TCF15: variants seen among roughly 807,000 people sequenced by gnomAD.
TCF15 encodes the protein transcription factor 15.
In TCF15, 7 loss-of-function variants were observed where a neutral mutation model predicts 11.1. The observed-to-expected ratio is 0.63, with a 90% confidence interval of 0.36 to 1.19. The LOEUF (loss-of-function observed/expected upper bound fraction) is 1.19, where lower values mean the gene tolerates loss of function less well. Among genes scored for constraint, TCF15 ranks in the 50% most tolerant of loss-of-function variants. The pLI is 0.02. For synonymous variants in TCF15, 144 were observed against 138.9 expected (o/e 1.04, Z -0.26); for missense variants, 288 against 289.4 (o/e 1.00, Z 0.03).
At position 610,271 on chromosome 20, in the gene TCF15, C is replaced by T; in HGVS notation, c.-34G>A. The T allele has an allele frequency of 2.0e-6, 2 of 988,882 alleles. No individual in the cohort carries two copies. The highest frequency in any genetic ancestry group is 2.4e-6 in the Non-Finnish European group (2 of 833,028). 61.3% of individuals were successfully genotyped at this position (988,882 alleles called of 1,614,324 possible). The stretch of plus-strand genomic sequence containing the variant: ...GCCGCGTCCCTCCGTGCGCCGCGTC[C>T]CAGCGTCGGCCGCGCCCCGCCGTGC... On this transcript the variant is annotated 5_prime_UTR_variant, in exon 1 of 2. Coordinates refer to ENST00000246080, the MANE Select transcript of TCF15 (RefSeq NM_004609.4).
chr20:605,245 C>G (rs967749442), intron 1 of TCF15, among the ~76,000 whole-genome samples: 1 of 152,188 alleles, frequency 6.6e-6, no homozygotes, highest in Non-Finnish European at 1.5e-5. Context: ...TATTTTAAAG[C>G]ATAATATTTT....
intron 1 of TCF15, among the ~76,000 whole-genome samples, chr20:608,061 C>T (rs1377635346): frequency 1.3e-5 from 2 of 152,176 alleles, no homozygotes; most frequent in Non-Finnish European, 2.9e-5. Context: ...CTAGAACACC[C>T]TTTCCTACCC....
At position 610,062 on chromosome 20, in the gene TCF15, G is replaced by A; in HGVS notation, c.176C>T (p.Ala59Val). Residue 59 changes from alanine to valine, a missense_variant, in exon 1 of 2, where the codon GCG becomes GTG. Ala to Val is a moderately conservative substitution (Grantham distance 64, BLOSUM62 0). Coordinates refer to ENST00000246080, the MANE Select transcript of TCF15 (RefSeq NM_004609.4). The stretch of plus-strand genomic sequence containing the variant: ...GGGGCCCGCGCCGCCGCCGCCGCCC[G>A]CCCGCCGCCCGCCCCCGGGGCCCGG... The part of the protein sequence containing the change: ...RGPGPGGGRR[A>V]GGGGGAGPVV... 1 of 1,026,608 alleles carries A rather than the reference G, an allele frequency of 9.7e-7. No homozygotes were observed. The highest frequency in any genetic ancestry group is 1.2e-6 in the Non-Finnish European group (1 of 858,664). 63.6% of individuals were successfully genotyped at this position (1,026,608 alleles called of 1,614,324 possible). A position where few individuals can be genotyped will look rare whatever the true frequency, so the allele number is the denominator to read the frequency against.
rs973339252 is a variant in TCF15 at position 604,679 on chromosome 20, G to T, written c.526-14C>A. 2 of 1,548,554 alleles carry T rather than the reference G, an allele frequency of 1.3e-6. No individual in the cohort carries two copies. The highest frequency in any genetic ancestry group is 1.7e-6 in the Non-Finnish European group (2 of 1,145,628). On this transcript the variant is annotated splice_polypyrimidine_tract_variant and intron_variant, in intron 1 of 1. Transcript: ENST00000246080. The surrounding 1 kb of genome is among the most constrained non-coding windows in gnomAD (Gnocchi z 4.2). ...ACGACGGCCACCCTGCAGAGGGGGA[G>T]AAAGAGTATAAAGAGGTTCGATTAG...
Position 604,487 on chromosome 20 carries a change from G to A in TCF15, c.*104C>T, listed in dbSNP as rs1190372386. ...CCCAGAGTGTCCCGGAACAGGCCATGGTCCCCCGGTCCCTACACAAAGAAG... is the reference window on the plus strand; with the variant it reads ...CCCAGAGTGTCCCGGAACAGGCCATAGTCCCCCGGTCCCTACACAAAGAAG... On this transcript the variant is annotated 3_prime_UTR_variant, in exon 2 of 2. Coordinates refer to ENST00000246080, the MANE Select transcript of TCF15 (RefSeq NM_004609.4). This position sits in a 1 kb window ranked among gnomAD's most constrained non-coding sequence, Gnocchi z 4.2. 9.4e-7 allele frequency: 1 copy of A among 1,068,830 alleles called. No homozygotes were observed. The highest frequency in any genetic ancestry group is 1.4e-6 in the Non-Finnish European group (1 of 709,930). The allele number at this position is 1,068,830 out of a possible 1,614,324, so 66.2% of individuals were successfully genotyped here.
intron 1 of TCF15, among the ~76,000 whole-genome samples, chr20:606,478 G>A (rs2019975547): frequency 6.6e-6 from 1 of 152,186 alleles, no homozygotes; most frequent in Non-Finnish European, 1.5e-5. Context: ...TCAAGGTGCA[G>A]TCGAATGTGA....
At chr20:606,958 A>G (rs1004031255) in intron 1 of TCF15, among the ~76,000 whole-genome samples, 1 of 152,174 alleles carries the variant, frequency 6.6e-6, no homozygotes, top group Admixed American at 6.5e-5. Flanking sequence ...CTACTTTGCC[A>G]AGGGCCAACT....
chr20:605,600 C>G (rs1056996398), intron 1 of TCF15, among the ~76,000 whole-genome samples: 1 of 152,218 alleles, frequency 6.6e-6, no homozygotes, highest in Non-Finnish European at 1.5e-5. Context: ...CCAGCCTGGG[C>G]TCTCTTGGCC....
In TCF15 at chr20:609,869, G is replaced by A. The variant is rs778925645; in HGVS notation, c.369C>T (p.His123=). 28 of 1,527,818 alleles carry A rather than the reference G, an allele frequency of 1.8e-5. No individual in the cohort carries two copies. The East Asian group carries it at 4.3e-4, about 24-fold the overall frequency. 94.6% of individuals were successfully genotyped at this position (1,527,818 alleles called of 1,614,324 possible). ...TVRLASSYIA[H]LANVLLLGDS... ...CGCCCAGCAGCAGCACGTTGGCCAGGTGCGCGATGTAGCTGGACGCCAGGC... is the reference window on the plus strand; with the variant it reads ...CGCCCAGCAGCAGCACGTTGGCCAGATGCGCGATGTAGCTGGACGCCAGGC... The change falls in exon 1 of 2, where the codon CAC becomes CAT. Residue 123 remains histidine, a synonymous_variant. Coordinates refer to ENST00000246080, the MANE Select transcript of TCF15 (RefSeq NM_004609.4). This position sits in a 1 kb window ranked among gnomAD's most constrained non-coding sequence, Gnocchi z 4.7.
intron 1 of TCF15, among the ~76,000 whole-genome samples, chr20:606,894 G>GA (rs1460852304): frequency 6.6e-6 from 1 of 152,030 alleles, no homozygotes; most frequent in African/African-American, 2.4e-5. Flanking sequence ...GGGTCTTCGG[G>GA]AAGCACCATG....
Position 606,932 on chromosome 20 carries a change from A to C in TCF15, c.526-2267T>G, listed in dbSNP as rs2019980741. ...TAGGAGTTAGGCTCAAGTGAGACAG[A>C]CCTAGGCTTCGATCCCTACTTTGCC... On this transcript the variant is annotated intron_variant, in intron 1 of 1. Transcript: ENST00000246080. Among the ~76,000 whole-genome samples, 3 of 152,248 alleles carry C rather than the reference A, an allele frequency of 2.0e-5. No homozygotes were observed. In the South Asian group the frequency reaches 6.2e-4, roughly 32 times the overall value.
At position 609,777 on chromosome 20, in the gene TCF15, GCGGCGGGGA is replaced by G; in HGVS notation, c.452_460del (p.Val151_Ala153del). 7.1e-7 allele frequency: 1 copy of G among 1,414,772 alleles called. No individual in the cohort carries two copies. The highest frequency in any genetic ancestry group is 9.1e-7 in the Non-Finnish European group (1 of 1,097,464). 87.6% of individuals were successfully genotyped at this position (1,414,772 alleles called of 1,614,324 possible). On this transcript the variant is annotated inframe_deletion, in exon 1 of 2. Transcript: ENST00000246080. The surrounding 1 kb of genome is among the most constrained non-coding windows in gnomAD (Gnocchi z 4.7). ...GCGCGGCTGGCGGCCGCCGTCGGCG[GCGGCGGGGA>G]CGGCGCCCTTGGCACTGCCCGCGGC...
chr20:609,742 T>A lies in TCF15; in HGVS notation c.496A>T (p.Thr166Ser). The change falls in exon 1 of 2, where the codon ACC becomes TCC. Residue 166 changes from threonine to serine, a missense_variant. Coordinates refer to ENST00000246080, the MANE Select transcript of TCF15 (RefSeq NM_004609.4). This position sits in a 1 kb window ranked among gnomAD's most constrained non-coding sequence, Gnocchi z 4.7. The stretch of plus-strand genomic sequence containing the variant: ...TTGCGCTGGTTGCTGAGGCAGAAGG[T>A]GCAGATGGAGCGCGGCTGGCGGCCG... ...DGGRQPRSIC[T>S]FCLSNQRKGG... The A allele has an allele frequency of 1.4e-6, 2 of 1,405,876 alleles. No homozygotes were observed. Among genetic ancestry groups the A allele is most frequent in the Non-Finnish European group, 1.8e-6 (2 of 1,092,358 alleles). 87.1% of individuals were successfully genotyped at this position (1,405,876 alleles called of 1,614,324 possible).
chr20:609,809 G>T lies in TCF15; in HGVS notation c.429C>A (p.Ala143=), dbSNP rs1470339902. 1 of 1,499,852 alleles carries T rather than the reference G, an allele frequency of 6.7e-7. No homozygotes were observed. The highest frequency in any genetic ancestry group is 8.8e-7 in the Non-Finnish European group (1 of 1,136,086). 92.9% of individuals were successfully genotyped at this position (1,499,852 alleles called of 1,614,324 possible). ...GGACGGCGCCCTTGGCACTGCCCGCGGCACGGAAGCACGGCTGCCCGTCGT... is the reference window on the plus strand; with the variant it reads ...GGACGGCGCCCTTGGCACTGCCCGCTGCACGGAAGCACGGCTGCCCGTCGT... The part of the protein sequence containing the change: ...SADDGQPCFR[A]AGSAKGAVPA... Residue 143 remains alanine (A), a synonymous_variant, in exon 1 of 2, where the codon GCC becomes GCA. Transcript: ENST00000246080. This position sits in a 1 kb window ranked among gnomAD's most constrained non-coding sequence, Gnocchi z 4.7.
chr20:606,155 C>T (rs947529726), intron 1 of TCF15, among the ~76,000 whole-genome samples: 2 of 152,110 alleles, frequency 1.3e-5, no homozygotes, highest in African/African-American at 4.8e-5. Flanking sequence ...CACTCACAGG[C>T]AGGGCTATTT....
chr20:610,207 C>A lies in TCF15; in HGVS notation c.31G>T (p.Ala11Ser), dbSNP rs1323141969. 1 of 1,030,184 alleles carries A rather than the reference C, an allele frequency of 9.7e-7. No individual in the cohort carries two copies. Among genetic ancestry groups the A allele is most frequent in the Non-Finnish European group, 1.2e-6 (1 of 855,912 alleles). 63.8% of individuals were successfully genotyped at this position (1,030,184 alleles called of 1,614,324 possible). A position where few individuals can be genotyped will look rare whatever the true frequency, so the allele number is the denominator to read the frequency against. ...CGCACGTCCGGGTACAGCACGTGCG[C>A]GCCGACGGGCCGCAGCAGCGCGAAC... MAFALLRPVG[A>S]HVLYPDVRLL... Residue 11 changes from alanine (A) to serine (S), a missense_variant, in exon 1 of 2, where the codon GCG (alanine) becomes TCG (serine). Physicochemically the swap from Ala to Ser is moderately conservative, Grantham distance 99. Coordinates refer to ENST00000246080, the MANE Select transcript of TCF15 (RefSeq NM_004609.4).
chr20:605,347 G>A (rs748087667), intron 1 of TCF15, among the ~76,000 whole-genome samples: 2 of 152,210 alleles, frequency 1.3e-5, no homozygotes, highest in South Asian at 2.1e-4. Context: ...AAGGGGACTC[G>A]GTTTCTGGCC....
At position 608,577 on chromosome 20, in the gene TCF15, C is replaced by T. The variant is rs45616234; in HGVS notation, c.525+1136G>A. Among the ~76,000 whole-genome samples the T allele has an allele frequency of 4.1e-3, 626 of 152,326 alleles. 3 individuals are homozygous for T. Among genetic ancestry groups the T allele is most frequent in the African/African-American group, 0.014 (576 of 41,564 alleles). On this transcript the variant is annotated intron_variant, in intron 1 of 1. Transcript: ENST00000246080. ...ACTGAGGCAGCCAAGTGTTGAGCAA[C>T]CAGGCTGGATATCTGATGAGCCAGA...
Position 608,540 on chromosome 20 carries a change from C to T in TCF15, c.525+1173G>A, listed in dbSNP as rs45471200. On this transcript the variant is annotated intron_variant, in intron 1 of 1. Transcript: ENST00000246080. ...ACAAGCCTGAGGCTAAGAAGACCGACGATTCAGGGCAACTGAGGCAGCCAA... is the reference window on the plus strand; with the variant it reads ...ACAAGCCTGAGGCTAAGAAGACCGATGATTCAGGGCAACTGAGGCAGCCAA... Among the ~76,000 whole-genome samples, 110 of 151,498 alleles carry T rather than the reference C, an allele frequency of 7.3e-4. No homozygotes were observed. In the Middle Eastern group the frequency reaches 0.01, roughly 14 times the overall value.
Sources: gnomAD v4.1 joint callset for allele counts (sites outside exome capture counted in the v4.1 genomes callset) on GRCh38, gnomAD v4.1.1 for gene constraint, Gnocchi (gnomAD v3.1) non-coding constraint, MANE v1.5 for transcripts, NCBI Gene and HGNC (gene_info 2026-07-23, HGNC 2026-07-21) for gene names.